Variants in ZNF44 observed in about 807,000 individuals in gnomAD.
ZNF44 encodes zinc finger protein 44, also known as gonadotropin inducible transcription repressor-2.
In ZNF44, 9 loss-of-function variants were observed where a neutral mutation model predicts 11.7. That is an observed-to-expected ratio of 0.77 (90% confidence interval 0.46 to 1.35). The LOEUF (loss-of-function observed/expected upper bound fraction) is 1.35. Ranked by LOEUF, ZNF44 falls within the 40% of genes most tolerant of loss-of-function variation. ZNF44 has a pLI of 0.00. For missense variants in ZNF44, 696 were observed against 743.1 expected, an observed-to-expected ratio of 0.94 and a Z score of 0.74; for synonymous variants, 224 against 242.7, an observed-to-expected ratio of 0.92 and a Z score of 0.72.
intron 2 of ZNF44, 94 bp downstream of exon 2, chr19:12,275,862 A>G (rs1967198239): frequency 7.0e-7 from 1 of 1,423,006 alleles, no homozygotes; most frequent in Non-Finnish European, 9.4e-7. Flanking sequence ...AATGAACTGT[A>G]TCCCTTTTCC....
At chr19:12,249,877 C>T (rs1167656295) in intron 7 of ZNF44, 12 of 820,188 alleles carry the variant, frequency 1.5e-5, no homozygotes, top group Non-Finnish European at 2.0e-5. Context: ...AGAACAGATA[C>T]ATTTGAGGCT....
chr19:12,277,682 ATC>A (rs1255551696), intron 1 of ZNF44, among the ~76,000 whole-genome samples: 2 of 152,188 alleles, frequency 1.3e-5, no homozygotes, highest in African/African-American at 2.4e-5. Flanking sequence ...CTTTGGCCCC[ATC>A]TCTGCCCATC....
downstream of ZNF44, among the ~76,000 whole-genome samples, chr19:12,267,043 CTTT>C (rs560631225): frequency 2.9e-5 from 4 of 139,792 alleles, no homozygotes; most frequent in East Asian, 2.1e-4. Context: ...TTTCTTTTTT[CTTT>C]TTTTTTTTTT....
In ZNF44 at chr19:12,249,662, C is replaced by T. The variant is rs186919803; in HGVS notation, c.*186+316G>A. Among the ~76,000 whole-genome samples, 37 of 152,234 alleles carry T rather than the reference C, an allele frequency of 2.4e-4. 1 individual carries two copies. In the East Asian group the frequency reaches 6.4e-3, roughly 26 times the overall value. On this transcript the variant is annotated intron_variant and NMD_transcript_variant, in intron 7 of 7. Coordinates refer to the ZNF44 transcript ENST00000393337. ...CCGCCTCCCGGGTTAAAGCGATTCT[C>T]CTGCCTCAGCCTCCGAAGTAGCTGG...
chr19:12,274,960 A>T lies in ZNF44; in HGVS notation c.191+13T>A. ...TGCAAGGACATCACCTGTCTCTTAT[A>T]AGTACAAATTACCTTGGATTTCTCC... is the stretch of plus-strand genomic sequence containing the variant. On this transcript the variant is annotated intron_variant, in intron 3 of 3. Coordinates refer to ENST00000355684, the MANE Select transcript of ZNF44 (RefSeq NM_016264.4). 1 of 1,574,352 alleles carries T rather than the reference A, an allele frequency of 6.4e-7. No individual in the cohort carries two copies. The highest frequency in any genetic ancestry group is 8.6e-7 in the Non-Finnish European group (1 of 1,158,160).
At chr19:12,274,573 CTTT>C (rs561043995) in intron 3 of ZNF44, among the ~76,000 whole-genome samples, 4 of 141,524 alleles carry the variant, frequency 2.8e-5, no homozygotes, top group Non-Finnish European at 3.1e-5. Context: ...TGCGCCTGGC[CTTT>C]TTTTTTTTTT....
chr19:12,253,129 T>C (rs946046735), intron 5 of ZNF44, among the ~76,000 whole-genome samples: 2 of 151,578 alleles, frequency 1.3e-5, no homozygotes, highest in Middle Eastern at 3.2e-3. Flanking sequence ...CCTTAGGTGA[T>C]GTGCCCGCCT....
chr19:12,247,594 A>AT, downstream of ZNF44: 1 of 1,333,278 alleles, frequency 7.5e-7, no homozygotes, highest in South Asian at 1.2e-5. Flanking sequence ...GTTTTCCCAC[A>AT]TTTTTTACAT....
intron 1 of ZNF44, among the ~76,000 whole-genome samples, chr19:12,280,818 A>G (rs1468185650): frequency 6.6e-6 from 1 of 152,250 alleles, no homozygotes; most frequent in Non-Finnish European, 1.5e-5. Flanking sequence ...ACATTCAGAC[A>G]AATCAGGTTT....
chr19:12,232,569 C>T (rs1916210134), intron 2 of ZNF44, among the ~76,000 whole-genome samples: 1 of 152,200 alleles, frequency 6.6e-6, no homozygotes, highest in African/African-American at 2.4e-5. Context: ...TGCCTTCAAG[C>T]ATCTGTTTAA....
rs760810887 is a variant in ZNF44, at chr19:12,273,174, G to C, written c.1081C>G (p.Leu361Val). 6 of 1,613,854 alleles carry C rather than the reference G, an allele frequency of 3.7e-6. No individual in the cohort carries two copies. Among genetic ancestry groups the C allele is most frequent in the South Asian group, 1.1e-5 (1 of 91,054 alleles). The change falls in exon 4 of 4, where the codon CTA becomes GTA. Residue 361 changes from leucine to valine, a missense_variant. Transcript: ENST00000355684. ...SARIHEGTHT[L>V]EKPYECKQCG... is the part of the protein sequence containing the mutation. ...TGCTTACATTCATAGGGTTTCTCTA[G>C]AGTGTGAGTTCCTTCATGAATTCGT... is the stretch of plus-strand genomic sequence containing the variant.
At chr19:12,256,064 A>AC (rs1917246266) in intron 5 of ZNF44, among the ~76,000 whole-genome samples, 1 of 141,324 alleles carries the variant, frequency 7.1e-6, no homozygotes, top group Non-Finnish European at 1.5e-5. Context: ...AAAAAAAAAA[A>AC]CAGCCTACAT....
In ZNF44 at chr19:12,273,018, T is replaced by A. The variant is rs1177640066; in HGVS notation, c.1237A>T (p.Arg413Trp). Residue 413 changes from arginine (R) to tryptophan (W), a missense_variant, in exon 4 of 4, where the codon AGG becomes TGG. Arg to Trp is a moderately radical substitution (Grantham distance 101, BLOSUM62 -3). Coordinates refer to ENST00000355684, the MANE Select transcript of ZNF44 (RefSeq NM_016264.4). ...TAGGGTTTCTCTCCAGTGTGAGTCCTTTCATGTCTTTGAAATACACTAGGA... is the reference window on the plus strand; with the variant it reads ...TAGGGTTTCTCTCCAGTGTGAGTCCATTCATGTCTTTGAAATACACTAGGA... ...DSPSVFQRHE[R>W]THTGEKPYEC... The A allele has an allele frequency of 6.2e-7, 1 of 1,614,108 alleles. No individual in the cohort carries two copies. Among genetic ancestry groups the A allele is most frequent in the Admixed American group, 1.7e-5 (1 of 60,016 alleles).
chr19:12,233,835 A>G (rs2459015), intron 2 of ZNF44, among the ~76,000 whole-genome samples: 9,270 of 152,118 alleles, frequency 0.061, 963 homozygotes, highest in African/African-American at 0.21. Context: ...AGACCGAGGC[A>G]GGTGGATCAT....
At chr19:12,229,616 T>C (rs527683375) in intron 3 of ZNF44, among the ~76,000 whole-genome samples, 1 of 136,772 alleles carries the variant, frequency 7.3e-6, no homozygotes, top group Non-Finnish European at 1.5e-5. Flanking sequence ...GGAAGAAAGA[T>C]ATTTTTTTTT....
chr19:12,230,705 A>G (rs2145674263), intron 2 of ZNF44, among the ~76,000 whole-genome samples: 1 of 152,334 alleles, frequency 6.6e-6, no homozygotes, highest in East Asian at 1.9e-4. Context: ...ACCAAATGTA[A>G]GAGTTAGAGG....
At chr19:12,241,855 T>C (rs1916628407), upstream of ZNF44, among the ~76,000 whole-genome samples, 1 of 152,170 alleles carries the variant, frequency 6.6e-6, no homozygotes, top group Admixed American at 6.5e-5. Context: ...TTGGGAATAT[T>C]ATTCAGGCAC....
intron 1 of ZNF44, among the ~76,000 whole-genome samples, chr19:12,283,533 A>G (rs796322512): frequency 1.3e-4 from 20 of 152,158 alleles, no homozygotes; most frequent in African/African-American, 4.6e-4. Flanking sequence ...GTTTCACCGT[A>G]TTAGCCAGGA....
At chr19:12,228,373 T>C (rs1207421045) in intron 3 of ZNF44, among the ~76,000 whole-genome samples, 1 of 152,204 alleles carries the variant, frequency 6.6e-6, no homozygotes, top group Non-Finnish European at 1.5e-5. Flanking sequence ...GTACTAGGTG[T>C]AGAGCCTAGG....
Sources: gnomAD v4.1 joint callset for allele counts (sites outside exome capture counted in the v4.1 genomes callset) on GRCh38, gnomAD v4.1.1 for gene constraint, MANE v1.5 for transcripts, NCBI Gene and HGNC (gene_info 2026-07-23, HGNC 2026-07-21) for gene names.